SYNE2: variants seen among roughly 807,000 people sequenced by gnomAD.
SYNE2 encodes spectrin repeat containing nuclear envelope protein 2.
In SYNE2, 431 loss-of-function variants were observed where a neutral mutation model predicts 856.3. That is an observed-to-expected ratio of 0.50 (90% CI 0.47 to 0.55). The LOEUF (loss-of-function observed/expected upper bound fraction) is 0.55, where lower values mean the gene tolerates loss of function less well. Ranked by LOEUF, SYNE2 falls within the 20% of genes least tolerant of loss-of-function variation. SYNE2 has a pLI of 0.00. For synonymous variants in SYNE2, 2,923 were observed against 2,872.3 expected, an observed-to-expected ratio of 1.02 and a Z score of -0.56; for missense variants, 8,129 against 8,023.2, an observed-to-expected ratio of 1.01 and a Z score of -0.50.
At chr14:64,133,260 T>C (rs1239810471) in intron 77 of SYNE2, among the ~76,000 whole-genome samples, 2 of 152,130 alleles carry the variant, frequency 1.3e-5, no homozygotes, top group Admixed American at 1.3e-4. Flanking sequence ...TAATATGGTG[T>C]TATTTTTTTT....
chr14:63,999,304 G>T (rs1010213218), intron 27 of SYNE2, among the ~76,000 whole-genome samples: 2 of 152,156 alleles, frequency 1.3e-5, no homozygotes. Context: ...GGCTTGAATA[G>T]TTTTTGTTTA....
chr14:63,889,507 G>C (rs951325627), intron 1 of SYNE2, among the ~76,000 whole-genome samples: 8 of 152,072 alleles, frequency 5.3e-5, no homozygotes, highest in Admixed American at 4.6e-4. Context: ...TTAGGGTCTT[G>C]TTCTGTTGCC....
rs2153711981 is a variant in SYNE2, at chr14:64,159,303, GTC to G, written c.15964-5_15964-4del. ...TCTGAAACTTAAATTTCTTGTTTGTGTCTCTTAGTCTCTGCAAGATGAAGCTG... is the reference window on the plus strand; with the variant it reads ...TCTGAAACTTAAATTTCTTGTTTGTGTCTTAGTCTCTGCAAGATGAAGCTG... On this transcript the variant is annotated splice_region_variant and splice_polypyrimidine_tract_variant and intron_variant, in intron 86 of 115. Transcript: ENST00000555002. 1 of 1,613,716 alleles carries G rather than the reference GTC, an allele frequency of 6.2e-7. No individual in the cohort carries two copies. Among genetic ancestry groups the G allele is most frequent in the East Asian group, 2.2e-5 (1 of 44,870 alleles).
chr14:63,974,784 G>GTA (rs1175668862), intron 11 of SYNE2, among the ~76,000 whole-genome samples: 6 of 79,112 alleles, frequency 7.6e-5, no homozygotes, highest in Non-Finnish European at 1.4e-4. Context: ...ATATATGTGT[G>GTA]TATATATATG....
intron 96 of SYNE2, among the ~76,000 whole-genome samples, chr14:64,184,362 G>GTGTGTA (rs1460013170): frequency 6.7e-6 from 1 of 149,826 alleles, no homozygotes; most frequent in Admixed American, 6.6e-5. Flanking sequence ...GTGTGTGTGT[G>GTGTGTA]TATGTGTATG....
At chr14:63,797,960 A>G (rs1887984398) in intron 1 of SYNE2, among the ~76,000 whole-genome samples, 1 of 152,264 alleles carries the variant, frequency 6.6e-6, no homozygotes, top group Non-Finnish European at 1.5e-5. Flanking sequence ...AACTTGAAAA[A>G]GAACAAAGAA....
chr14:63,766,749 C>T (rs1459294204), intron 1 of SYNE2, among the ~76,000 whole-genome samples: 1 of 152,162 alleles, frequency 6.6e-6, no homozygotes, highest in Non-Finnish European at 1.5e-5. Flanking sequence ...TTCACCTCTC[C>T]CACTCACTCC....
chr14:64,125,576 G>A (rs1173012319), intron 71 of SYNE2, among the ~76,000 whole-genome samples: 1 of 152,204 alleles, frequency 6.6e-6, no homozygotes, highest in East Asian at 1.9e-4. Context: ...GCTAGGTTAT[G>A]TGAGGTGTCT....
intron 2 of SYNE2, among the ~76,000 whole-genome samples, chr14:63,916,541 A>G (rs2095535586): frequency 6.6e-6 from 1 of 151,964 alleles, no homozygotes; most frequent in South Asian, 2.1e-4. Context: ...ATTATGAGTG[A>G]GTGGCCATTT....
chr14:63,995,102 G>T lies in SYNE2; in HGVS notation c.2840G>T (p.Gly947Val). The change falls in exon 23 of 116, where the codon GGA (glycine) becomes GTA (valine). Residue 947 changes from glycine to valine, a missense_variant. Physicochemically the swap from Gly to Val is moderately radical, Grantham distance 109 (BLOSUM62 -3). Coordinates refer to ENST00000555002, the MANE Select transcript of SYNE2 (RefSeq NM_182914.3). ...VQQLKIDIEK[G>V]KLSDNILKLE... ...CAACTAAAAATAGATATTGAAAAAG[G>T]AAAGCTTAGTGACAATATTTTAAAA... The T allele has an allele frequency of 6.3e-7, 1 of 1,586,608 alleles. No individual in the cohort carries two copies. The highest frequency in any genetic ancestry group is 8.6e-7 in the Non-Finnish European group (1 of 1,162,432).
At chr14:64,035,685 C>CT (rs2153553678) in intron 45 of SYNE2, among the ~76,000 whole-genome samples, 1 of 151,988 alleles carries the variant, frequency 6.6e-6, no homozygotes, top group East Asian at 1.9e-4. Flanking sequence ...CTTAGGCATC[C>CT]TTTATTTATT....
At chr14:63,847,786 G>C (rs574125818) in intron 1 of SYNE2, among the ~76,000 whole-genome samples, 2 of 151,610 alleles carry the variant, frequency 1.3e-5, no homozygotes, top group African/African-American at 2.4e-5. Flanking sequence ...GGGTTTCACC[G>C]TGTTGGCCAG....
At chr14:64,095,850 A>G (rs550004399) in intron 61 of SYNE2, among the ~76,000 whole-genome samples, 48 of 152,302 alleles carry the variant, frequency 3.2e-4, no homozygotes, top group African/African-American at 1.1e-3. Flanking sequence ...TTAATCACCA[A>G]CACAGCAGTA....
chr14:64,082,921 C>G (rs10129174), intron 57 of SYNE2, among the ~76,000 whole-genome samples: 5 of 152,090 alleles, frequency 3.3e-5, no homozygotes, highest in Non-Finnish European at 7.4e-5. Context: ...CCACTTGAGG[C>G]CTCGGCTGCA....
At chr14:64,216,111 A>G (rs1308096144) in intron 107 of SYNE2, 137 bp from the exon 108 acceptor site, 2 of 1,548,326 alleles carry the variant, frequency 1.3e-6, no homozygotes, top group Admixed American at 1.9e-5. Context: ...CTTCTGGGAC[A>G]TACTGACATT....
At chr14:63,905,991 G>A (rs2095405510) in intron 1 of SYNE2, among the ~76,000 whole-genome samples, 1 of 152,056 alleles carries the variant, frequency 6.6e-6, no homozygotes, top group African/African-American at 2.4e-5. Flanking sequence ...CTAGTCTGTT[G>A]AGGGTTTTTT....
Position 64,167,513 on chromosome 14 carries a change from A to T in SYNE2, c.16779A>T (p.Gly5593=), listed in dbSNP as rs375572664. 2 of 1,614,198 alleles carry T rather than the reference A, an allele frequency of 1.2e-6. No individual in the cohort carries two copies. The highest frequency in any genetic ancestry group is 8.5e-7 in the Non-Finnish European group (1 of 1,180,028). Reference sequence around the variant, plus strand: ...TTTGTAGTGAGCTTCAGGGAATTGGATTGAATGAAAAGTTTCTTTATTGCT... The same window carrying T: ...TTTGTAGTGAGCTTCAGGGAATTGGTTTGAATGAAAAGTTTCTTTATTGCT... ...LERCSELQGI[G]LNEKFLYCCE... The change falls in exon 92 of 116, where the codon GGA becomes GGT. Residue 5593 remains glycine, a synonymous_variant. Coordinates refer to ENST00000555002, the MANE Select transcript of SYNE2 (RefSeq NM_182914.3).
At chr14:63,777,897 G>C (rs1308672411) in intron 1 of SYNE2, among the ~76,000 whole-genome samples, 1 of 152,084 alleles carries the variant, frequency 6.6e-6, no homozygotes, top group Admixed American at 6.6e-5. Flanking sequence ...TCAAACTCCT[G>C]GCCTCTATTG....
intron 48 of SYNE2, among the ~76,000 whole-genome samples, chr14:64,054,761 G>A (rs528347179): frequency 2.6e-5 from 4 of 152,228 alleles, no homozygotes; most frequent in Middle Eastern, 3.4e-3. Flanking sequence ...TGAAATTCAC[G>A]CTGTGCTGAA....
Sources: gnomAD v4.1 joint callset for allele counts (sites outside exome capture counted in the v4.1 genomes callset) on GRCh38, gnomAD v4.1.1 for gene constraint, MANE v1.5 for transcripts, NCBI Gene and HGNC (gene_info 2026-07-23, HGNC 2026-07-21) for gene names.